The following NDST3 variants were observed in gnomAD, a reference collection of about 807,000 sequenced individuals.
NDST3 encodes bifunctional heparan sulfate N-deacetylase/N-sulfotransferase 3.
A neutral mutation model predicts 96.1 loss-of-function variants in NDST3; 58 were observed. The ratio of observed to expected loss-of-function variants is 0.60; its 90% CI spans 0.49 to 0.75. NDST3 has a LOEUF of 0.75. Among genes scored for constraint, NDST3 ranks in the 30% least tolerant of loss-of-function variants. The pLI is 0.00. For missense variants in NDST3, 788 were observed against 1,034.2 expected, an observed-to-expected ratio of 0.76 and a Z score of 3.27; for synonymous variants, 333 against 359.7, an observed-to-expected ratio of 0.93 and a Z score of 0.84.
At chr4:118,199,327 A>C (rs1457691236) in intron 6 of NDST3, among the ~76,000 whole-genome samples, 1 of 151,944 alleles carries the variant, frequency 6.6e-6, no homozygotes, top group African/African-American at 2.4e-5. Flanking sequence ...TGCTTGATCA[A>C]CTCTGCTATT....
chr4:118,052,399 G>C (rs1047388756), intron 1 of NDST3, among the ~76,000 whole-genome samples: 2 of 151,964 alleles, frequency 1.3e-5, no homozygotes, highest in African/African-American at 4.8e-5. Flanking sequence ...GAAGAAGGAA[G>C]GAGGACATAC....
Position 118,249,666 on chromosome 4 carries a change from T to A in NDST3, c.2400-3833T>A, listed in dbSNP as rs572431717. 2.0e-4 allele frequency among the ~76,000 whole-genome samples: 31 copies of A among 152,142 alleles called. No homozygotes were observed. The East Asian group carries it at 6.0e-3, about 29-fold the overall frequency. ...ACAGAGGCAGAAATCTAGGTTTGTA[T>A]TCTTTTCATAGGGCTAGAGTTATAA... is the stretch of plus-strand genomic sequence containing the variant. On this transcript the variant is annotated intron_variant, in intron 12 of 13. Transcript: ENST00000296499.
intron 2 of NDST3, among the ~76,000 whole-genome samples, chr4:118,104,305 C>G (rs1729996153): frequency 6.6e-6 from 1 of 151,578 alleles, no homozygotes; most frequent in African/African-American, 2.4e-5. Flanking sequence ...GAGAGAGAGA[C>G]AGAGACAGAG....
intron 6 of NDST3, chr4:118,194,100 C>A: frequency 7.3e-7 from 1 of 1,367,662 alleles, no homozygotes; most frequent in Non-Finnish European, 1.0e-6. Flanking sequence ...CTAACACTGC[C>A]AAAAGCATAG....
chr4:118,081,359 G>A (rs1339591488), intron 2 of NDST3, among the ~76,000 whole-genome samples: 1 of 152,144 alleles, frequency 6.6e-6, no homozygotes, highest in East Asian at 1.9e-4. Flanking sequence ...TCACAATTAT[G>A]TGCATATAAA....
intron 6 of NDST3, among the ~76,000 whole-genome samples, chr4:118,202,444 T>C (rs1738150888): frequency 6.6e-6 from 1 of 152,232 alleles, no homozygotes; most frequent in Non-Finnish European, 1.5e-5. Context: ...ATTCTTCCAA[T>C]TCATCGGCAT....
At chr4:118,039,467 G>A (rs192377147) in intron 1 of NDST3, among the ~76,000 whole-genome samples, 2 of 152,134 alleles carry the variant, frequency 1.3e-5, no homozygotes, top group African/African-American at 4.8e-5. Context: ...TACTCTATTA[G>A]ACATTAAAAA....
At chr4:118,039,073 G>C (rs1440627002) in intron 1 of NDST3, among the ~76,000 whole-genome samples, 1 of 152,138 alleles carries the variant, frequency 6.6e-6, no homozygotes, top group African/African-American at 2.4e-5. Flanking sequence ...TCTGCCTTTT[G>C]TTAATGGTAA....
intron 6 of NDST3, 91 bp downstream of exon 6, chr4:118,143,775 A>C (rs1241073015): frequency 2.2e-6 from 3 of 1,364,806 alleles, no homozygotes; most frequent in Non-Finnish European, 2.9e-6. Context: ...GGCAGTCATC[A>C]GCCAAGCCAA....
intron 6 of NDST3, among the ~76,000 whole-genome samples, chr4:118,215,930 A>C (rs1480745032): frequency 1.3e-5 from 2 of 152,090 alleles, no homozygotes; most frequent in Non-Finnish European, 2.9e-5. Flanking sequence ...GAAAGTTTAA[A>C]ATAGCTGCTG....
chr4:118,136,654 C>T (rs1365423463), intron 4 of NDST3, among the ~76,000 whole-genome samples: 1 of 152,160 alleles, frequency 6.6e-6, no homozygotes, highest in African/African-American at 2.4e-5. Context: ...GTCCACTCAA[C>T]CTCCAATACC....
intron 6 of NDST3, among the ~76,000 whole-genome samples, chr4:118,222,145 T>C (rs889415377): frequency 3.9e-5 from 6 of 151,960 alleles, no homozygotes; most frequent in Non-Finnish European, 8.8e-5. Context: ...ACAGAAATTG[T>C]TGTCAGGTGA....
At chr4:118,162,781 A>C (rs1735261611) in intron 6 of NDST3, among the ~76,000 whole-genome samples, 1 of 149,018 alleles carries the variant, frequency 6.7e-6, no homozygotes, top group South Asian at 2.2e-4. Flanking sequence ...GCTTCTGCAC[A>C]GCAAAAGAAA....
At chr4:118,138,917 G>C (rs943883023) in intron 5 of NDST3, among the ~76,000 whole-genome samples, 1 of 152,156 alleles carries the variant, frequency 6.6e-6, no homozygotes. Context: ...GGTAAAGCTA[G>C]GAATGGGCCT....
chr4:118,154,093 CAG>C (rs1214648806), intron 6 of NDST3, among the ~76,000 whole-genome samples: 3 of 152,148 alleles, frequency 2.0e-5, no homozygotes, highest in Non-Finnish European at 2.9e-5. Flanking sequence ...ACAACACACA[CAG>C]AGTTACACAA....
chr4:118,083,829 C>A (rs1306468332), intron 2 of NDST3, among the ~76,000 whole-genome samples: 5 of 152,056 alleles, frequency 3.3e-5, no homozygotes, highest in Non-Finnish European at 2.9e-5. Flanking sequence ...AGGAGTCAAA[C>A]CCTGTCTCAC....
chr4:118,199,565 C>G (rs1252190199), intron 6 of NDST3, among the ~76,000 whole-genome samples: 1 of 152,018 alleles, frequency 6.6e-6, no homozygotes, highest in Non-Finnish European at 1.5e-5. Context: ...TTTCTGGTGC[C>G]TTATTTAGTT....
At position 118,054,682 on chromosome 4, in the gene NDST3, A is replaced by T; in HGVS notation, c.772A>T (p.Ile258Leu). 1 of 1,613,342 alleles carries T rather than the reference A, an allele frequency of 6.2e-7. No homozygotes were observed. Among genetic ancestry groups the T allele is most frequent in the Non-Finnish European group, 8.5e-7 (1 of 1,179,486 alleles). ...ISKGAFYATI[I>L]HDLGLHDGIQ... ...TAAAGGTGCTTTTTATGCCACTATT[A>T]TACATGACCTGGGGCTTCATGATGG... Residue 258 changes from isoleucine (I) to leucine (L), a missense_variant, in exon 2 of 14, where the codon ATA (isoleucine) becomes TTA (leucine). Around this residue, in one of 3 missense-constraint regions of NDST3, gnomAD observed 490 missense variants for 708.8 expected, o/e 0.69. Coordinates refer to ENST00000296499, the MANE Select transcript of NDST3 (RefSeq NM_004784.3).
At chr4:118,117,623 G>A (rs952674813) in intron 4 of NDST3, among the ~76,000 whole-genome samples, 11 of 151,926 alleles carry the variant, frequency 7.2e-5, no homozygotes, top group African/African-American at 2.4e-4. Flanking sequence ...AAATTAACCC[G>A]GAATTGTAGG....
Sources: allele counts gnomAD v4.1 joint callset (sites outside exome capture counted in the v4.1 genomes callset), GRCh38; gene constraint gnomAD v4.1.1; regional missense constraint gnomAD v4.1.1; transcripts MANE v1.5; gene names NCBI Gene and HGNC (gene_info 2026-07-23, HGNC 2026-07-21).